CIB1: variants seen among roughly 807,000 people sequenced by gnomAD.
The protein encoded by CIB1 is calcium and integrin binding 1.
A neutral mutation model predicts 25.0 loss-of-function variants in CIB1; 19 were observed. That is an observed-to-expected ratio of 0.76 (90% CI 0.53 to 1.12). The LOEUF is 1.12. Among genes scored for constraint, CIB1 ranks in the 50% most tolerant of loss-of-function variants. The probability of loss-of-function intolerance (pLI) is 0.00; values close to 1 mark genes in which losing one functional copy is unlikely to be tolerated. For missense variants in CIB1, 236 were observed against 242.6 expected (o/e 0.97, Z 0.18); for synonymous variants, 104 against 98.5 (o/e 1.06, Z -0.33).
At chr15:90,256,247 C>A in the CIB1 span, 1 of 1,614,160 alleles carries the variant, frequency 6.2e-7, no homozygotes, top group Middle Eastern at 1.7e-4. Context: ...CCGAAATCCC[C>A]GGGAGATCAA....
chr15:90,262,855 G>T, the CIB1 span: 2 of 1,295,152 alleles, frequency 1.5e-6, no homozygotes, highest in Non-Finnish European at 2.1e-6. Flanking sequence ...GAACCTTCCT[G>T]GGTCAGGGAA....
chr15:90,230,900 A>G (rs771818894), intron 6 of CIB1, 34 bp downstream of exon 6: 6 of 1,569,182 alleles, frequency 3.8e-6, no homozygotes, highest in East Asian at 2.2e-5. Context: ...CGGAACCTGC[A>G]GGTACCCAGA....
At chr15:90,262,416 C>T in the CIB1 span, 1 of 1,390,106 alleles carries the variant, frequency 7.2e-7, no homozygotes, top group Non-Finnish European at 9.4e-7. Flanking sequence ...CTGCTCTTTC[C>T]TCATCCCCAT....
the CIB1 span, chr15:90,240,762 A>C: frequency 1.6e-6 from 1 of 614,346 alleles, no homozygotes; most frequent in Non-Finnish European, 2.8e-6. Flanking sequence ...ACAGTGAACC[A>C]AGATCACTGC....
chr15:90,230,364 A>T lies in CIB1; in HGVS notation c.*120T>A. 1 of 1,188,166 alleles carries T rather than the reference A, an allele frequency of 8.4e-7. No individual in the cohort carries two copies. The allele number at this position is 1,188,166 out of a possible 1,614,324, so 73.6% of individuals were successfully genotyped here. A position where few individuals can be genotyped will look rare whatever the true frequency, so the allele number is the denominator to read the frequency against. ...GCCCCTGCCCGGGGTGAGGCTGCAC[A>T]GCGCCAGCTCCAGGCTGGGCCAGCT... On this transcript the variant is annotated 3_prime_UTR_variant, in exon 7 of 7. Coordinates refer to ENST00000328649, the MANE Select transcript of CIB1 (RefSeq NM_006384.4).
At chr15:90,241,721 C>A in the CIB1 span, 1 of 1,614,232 alleles carries the variant, frequency 6.2e-7, no homozygotes, top group Non-Finnish European at 8.5e-7. Context: ...CCTTGATAAG[C>A]AGGGTATGTC....
the CIB1 span, chr15:90,251,484 G>T: frequency 7.0e-7 from 1 of 1,426,516 alleles, no homozygotes; most frequent in Admixed American, 1.7e-5. Context: ...GAATTTGTTG[G>T]ATGTCTTTTC....
At chr15:90,265,072 A>G in the CIB1 span, 1 of 1,392,914 alleles carries the variant, frequency 7.2e-7, no homozygotes, top group Non-Finnish European at 9.5e-7. Context: ...CCACTTTGAA[A>G]AGCCCTGCCC....
In CIB1 at chr15:90,232,219, C is replaced by G. The variant is rs1475462832; in HGVS notation, c.195G>C (p.Lys65Asn). The G allele has an allele frequency of 6.2e-6, 10 of 1,608,890 alleles. No homozygotes were observed. Among genetic ancestry groups the G allele is most frequent in the Non-Finnish European group, 7.7e-6 (9 of 1,176,330 alleles). Reference sequence around the variant, plus strand: ...TGTCAAAGGAGGGGAGCGCTTGCACCTTGAGCTCTGGAAGGCTGAGAATCT... The same window carrying G: ...TGTCAAAGGAGGGGAGCGCTTGCACGTTGAGCTCTGGAAGGCTGAGAATCT... Reference protein sequence around the residue: ...FEQILSLPELKANPFKERICR... With the variant: ...FEQILSLPELNANPFKERICR... The change falls in exon 3 of 7, where the codon AAG becomes AAC. Residue 65 changes from lysine to asparagine, a missense_variant and splice_region_variant. Coordinates refer to ENST00000328649, the MANE Select transcript of CIB1 (RefSeq NM_006384.4).
chr15:90,264,497 C>G, the CIB1 span, among the ~76,000 whole-genome samples: 11 of 152,094 alleles, frequency 7.2e-5, no homozygotes, highest in Non-Finnish European at 1.3e-4. Context: ...TACACTAGAC[C>G]CTGGTGATAG....
the CIB1 span, among the ~76,000 whole-genome samples, chr15:90,239,187 T>C: frequency 6.6e-6 from 1 of 152,212 alleles, no homozygotes; most frequent in East Asian, 1.9e-4. Flanking sequence ...TTGTGATTTT[T>C]CCTTAGGCAT....
the CIB1 span, among the ~76,000 whole-genome samples, chr15:90,260,151 G>A: frequency 1.3e-5 from 2 of 152,140 alleles, no homozygotes; most frequent in Non-Finnish European, 2.9e-5. Flanking sequence ...GAACAGTACT[G>A]GACTAAATAA....
the CIB1 span, chr15:90,257,084 A>T: frequency 1.9e-6 from 3 of 1,553,154 alleles, no homozygotes; most frequent in South Asian, 3.6e-5. Flanking sequence ...AGAACAGCAC[A>T]TAGTAGGCAC....
chr15:90,258,232 T>C, the CIB1 span: 2 of 1,614,250 alleles, frequency 1.2e-6, no homozygotes, highest in South Asian at 2.2e-5. Flanking sequence ...GGTTTTGACA[T>C]CTTGCTGGAC....
the CIB1 span, chr15:90,249,914 C>T: frequency 6.6e-6 from 1 of 152,084 alleles, no homozygotes; most frequent in East Asian, 1.9e-4. Context: ...AAAGGGCCAG[C>T]GTAGGGGGCT....
chr15:90,246,524 G>A, the CIB1 span, among the ~76,000 whole-genome samples: 2 of 151,818 alleles, frequency 1.3e-5, no homozygotes, highest in East Asian at 1.9e-4. Flanking sequence ...AGTGGCTCAC[G>A]CCTGTAATCC....
the CIB1 span, chr15:90,244,991 G>A: frequency 6.6e-6 from 1 of 152,298 alleles, no homozygotes; most frequent in African/African-American, 2.4e-5. Context: ...CACCCAGGAG[G>A]GGTTTTGATT....
chr15:90,253,170 C>T, the CIB1 span: 1 of 1,209,982 alleles, frequency 8.3e-7, no homozygotes, highest in Admixed American at 1.8e-5. Flanking sequence ...AGGTGTATAC[C>T]TTACCTGACC....
At chr15:90,265,583 C>A in the CIB1 span, 11 of 1,400,924 alleles carry the variant, frequency 7.9e-6, no homozygotes, top group Non-Finnish European at 1.1e-5. Context: ...CCAGATCTTA[C>A]CCCCACCAAG....
Sources: allele counts gnomAD v4.1 joint callset (sites outside exome capture counted in the v4.1 genomes callset), GRCh38; gene constraint gnomAD v4.1.1; transcripts MANE v1.5; gene names NCBI Gene and HGNC (gene_info 2026-07-23, HGNC 2026-07-21).